The following PCDHGB3 variants were observed in gnomAD, a reference collection of about 807,000 sequenced individuals.
PCDHGB3 encodes protocadherin gamma subfamily B, 3, also known as protocadherin gamma-B3.
In PCDHGB3, 40 loss-of-function variants were observed where a neutral mutation model predicts 59.2. The ratio of observed to expected loss-of-function variants is 0.68; its 90% CI spans 0.52 to 0.88. The LOEUF (loss-of-function observed/expected upper bound fraction) is 0.88. Ranked by LOEUF, PCDHGB3 falls within the 40% of genes least tolerant of loss-of-function variation. The probability of loss-of-function intolerance (pLI) is 0.00; values close to 1 mark genes in which losing one functional copy is unlikely to be tolerated. For synonymous variants in PCDHGB3, 581 were observed against 503.6 expected (o/e 1.15, Z -2.06); for missense variants, 1,309 against 1,187.9 (o/e 1.10, Z -1.50).
rs561648427 is a variant in PCDHGB3, at chr5:141,379,679, T to G, written c.2415+6870T>G. The stretch of plus-strand genomic sequence containing the variant: ...TACTCTCACAAAAGTCATTCACTCA[T>G]GTGGACTGACCAACTGTTAAACATC... On this transcript the variant is annotated intron_variant, in intron 1 of 3. Coordinates refer to ENST00000576222, the MANE Select transcript of PCDHGB3 (RefSeq NM_018924.5). 2.0e-5 allele frequency: 3 copies of G among 152,260 alleles called. No individual in the cohort carries two copies. The South Asian group carries it at 6.2e-4, about 32-fold the overall frequency. The allele number at this position is 152,260 out of a possible 1,614,324, so 9.4% of individuals were successfully genotyped here. A position where few individuals can be genotyped will look rare whatever the true frequency, so the allele number is the denominator to read the frequency against.
At chr5:141,472,113 A>C (rs1296591849) in intron 1 of PCDHGB3, among the ~76,000 whole-genome samples, 1 of 152,260 alleles carries the variant, frequency 6.6e-6, no homozygotes, top group Non-Finnish European at 1.5e-5. Context: ...ATACATAAAG[A>C]AAATAAAAGA....
intron 1 of PCDHGB3, chr5:141,409,152 T>C: frequency 6.2e-7 from 1 of 1,613,988 alleles, no homozygotes; most frequent in Non-Finnish European, 8.5e-7. Context: ...AGGTACACCA[T>C]GGAAGTGGAA....
intron 1 of PCDHGB3, chr5:141,429,167 T>TATAC (rs1240034860): frequency 3.1e-4 from 42 of 136,210 alleles, no homozygotes; most frequent in African/African-American, 7.0e-4. Flanking sequence ...AGACATTGTT[T>TATAC]ATACACACAC....
chr5:141,445,975 G>A (rs1279186740), intron 1 of PCDHGB3, among the ~76,000 whole-genome samples: 1 of 152,124 alleles, frequency 6.6e-6, no homozygotes, highest in Non-Finnish European at 1.5e-5. Flanking sequence ...TGATTTATGA[G>A]GGTTATAAAT....
chr5:141,389,355 G>A, intron 1 of PCDHGB3: 3 of 1,613,950 alleles, frequency 1.9e-6, no homozygotes, highest in Non-Finnish European at 1.7e-6. Flanking sequence ...CTGCATCATG[G>A]CCAGTGACCT....
In PCDHGB3 at chr5:141,476,742, G is replaced by C. The variant is rs1015622831; in HGVS notation, c.2416-18065G>C. 8.7e-6 allele frequency: 14 copies of C among 1,613,936 alleles called. No homozygotes were observed. Among genetic ancestry groups the C allele is most frequent in the Non-Finnish European group, 1.1e-5 (13 of 1,180,032 alleles). On this transcript the variant is annotated intron_variant, in intron 1 of 3. Transcript: ENST00000576222. The surrounding 1 kb of genome is among the most constrained non-coding windows in gnomAD (Gnocchi z 7.6). ...GCCCTGGACCGAGAACGGGAGCCTA[G>C]TCTCCAGTTAGTGCTGACGGCGTTG...
rs200900873 is a variant in PCDHGB3 at position 141,510,902 on chromosome 5, G to A, written c.2564-45G>A. On this transcript the variant is annotated intron_variant, in intron 3 of 3. Transcript: ENST00000576222. ...GGGGATATAAGACAGTGACTGTTGAGGACCCTAAGTTTAGCTCCCACCTGA... is the reference window on the plus strand; with the variant it reads ...GGGGATATAAGACAGTGACTGTTGAAGACCCTAAGTTTAGCTCCCACCTGA... The A allele has an allele frequency of 1.5e-3, 2,449 of 1,613,462 alleles. 7 individuals carry two copies. The highest frequency in any genetic ancestry group is 1.9e-3 in the Non-Finnish European group (2,206 of 1,179,758).
chr5:141,487,667 A>G lies in PCDHGB3; in HGVS notation c.2416-7140A>G, dbSNP rs2099657916. ...GCTTGAGGGTTATTCTGATCCAGGC[A>G]TATGGCTAGGCCATGTCCTAGAGAG... On this transcript the variant is annotated intron_variant, in intron 1 of 3. Transcript: ENST00000576222. This position sits in a 1 kb window ranked among gnomAD's most constrained non-coding sequence, Gnocchi z 5.0. 6.2e-7 allele frequency: 1 copy of G among 1,612,782 alleles called. No individual in the cohort carries two copies. The highest frequency in any genetic ancestry group is 1.1e-5 in the South Asian group (1 of 90,692).
chr5:141,398,776 G>C, intron 1 of PCDHGB3: 2 of 1,613,904 alleles, frequency 1.2e-6, no homozygotes. Context: ...TGCCTTGGAC[G>C]GTGGACATCC....
rs777820402 is a variant in PCDHGB3 at position 141,371,174 on chromosome 5, C to T, written c.780C>T (p.Ser260=). ...NVAENLPAGS[S]VLKVMAIDMD... ...CAGAGAACCTGCCCGCTGGCTCCTC[C>T]GTATTAAAAGTGATGGCCATTGACA... Residue 260 remains serine, a synonymous_variant, in exon 1 of 4, where the codon TCC becomes TCT. Coordinates refer to ENST00000576222, the MANE Select transcript of PCDHGB3 (RefSeq NM_018924.5). 6.2e-7 allele frequency: 1 copy of T among 1,613,994 alleles called. No homozygotes were observed. Among genetic ancestry groups the T allele is most frequent in the Middle Eastern group, 1.6e-4 (1 of 6,062 alleles).
At chr5:141,466,281 C>T (rs555506496) in intron 1 of PCDHGB3, among the ~76,000 whole-genome samples, 76 of 152,252 alleles carry the variant, frequency 5.0e-4, no homozygotes, top group African/African-American at 1.7e-3. Context: ...AGCAATCTTC[C>T]CACCTCAGGC....
At chr5:141,506,241 G>C (rs2237081) in intron 3 of PCDHGB3, among the ~76,000 whole-genome samples, 78,081 of 151,504 alleles carry the variant, frequency 0.52, 20,775 homozygotes, top group African/African-American at 0.63. Context: ...ATGAGGTCAG[G>C]AGTTCGAAAC....
At chr5:141,381,974 C>T (rs1049134937) in intron 1 of PCDHGB3, among the ~76,000 whole-genome samples, 18 of 151,606 alleles carry the variant, frequency 1.2e-4, no homozygotes, top group Admixed American at 5.9e-4. Flanking sequence ...GGATTACAGG[C>T]GCGCGCCACC....
At chr5:141,424,682 C>A (rs1421088073) in intron 1 of PCDHGB3, 1 of 152,062 alleles carries the variant, frequency 6.6e-6, no homozygotes, top group Non-Finnish European at 1.5e-5. Flanking sequence ...AGCTAGTATC[C>A]TTCTGGCTAT....
At chr5:141,398,819 A>C (rs571120530) in intron 1 of PCDHGB3, 1 of 1,613,994 alleles carries the variant, frequency 6.2e-7, no homozygotes, top group East Asian at 2.2e-5. Flanking sequence ...CTCCGGATCC[A>C]GGTAACCGAC....
At position 141,476,128 on chromosome 5, in the gene PCDHGB3, G is replaced by A. The variant is rs1450094771; in HGVS notation, c.2416-18679G>A. 1 of 1,606,456 alleles carries A rather than the reference G, an allele frequency of 6.2e-7. No homozygotes were observed. Among genetic ancestry groups the A allele is most frequent in the African/African-American group, 1.3e-5 (1 of 74,874 alleles). On this transcript the variant is annotated intron_variant, in intron 1 of 3. Transcript: ENST00000576222. The surrounding 1 kb of genome is among the most constrained non-coding windows in gnomAD (Gnocchi z 7.6). ...TGCTTTTGAGTGAGATGGTCCCAGA[G>A]GCCTGGAGGAGCGGACTGGTAAGCA...
chr5:141,388,871 C>T, intron 1 of PCDHGB3: 2 of 1,613,930 alleles, frequency 1.2e-6, no homozygotes, highest in Non-Finnish European at 8.5e-7. Flanking sequence ...TTGCGCAATG[C>T]ACAGTGGAGG....
chr5:141,500,870 A>C (rs2099803097), intron 2 of PCDHGB3, among the ~76,000 whole-genome samples: 1 of 139,794 alleles, frequency 7.2e-6, no homozygotes, highest in African/African-American at 2.8e-5. Context: ...ATACACATTC[A>C]TTTACAATTT....
Position 141,399,560 on chromosome 5 carries a change from G to A in PCDHGB3, c.2415+26751G>A, listed in dbSNP as rs1354621756. The A allele has an allele frequency of 6.8e-6, 11 of 1,613,906 alleles. No homozygotes were observed. The Admixed American group carries it at 1.3e-4, about 20-fold the overall frequency. ...GTCTGCGCCTCGGACCTGGACTTGG[G>A]GTTGAACGGCCAAGTCTCCTACTCT... is the stretch of plus-strand genomic sequence containing the variant. On this transcript the variant is annotated intron_variant, in intron 1 of 3. Coordinates refer to ENST00000576222, the MANE Select transcript of PCDHGB3 (RefSeq NM_018924.5).
Sources: gnomAD v4.1 joint callset for allele counts (sites outside exome capture counted in the v4.1 genomes callset) on GRCh38, gnomAD v4.1.1 for gene constraint, Gnocchi (gnomAD v3.1) non-coding constraint, MANE v1.5 for transcripts, NCBI Gene and HGNC (gene_info 2026-07-23, HGNC 2026-07-21) for gene names.